The following BIK variants were observed in gnomAD, a reference collection of about 807,000 sequenced individuals.
BIK encodes the protein bcl-2-interacting killer.
In BIK, 14 loss-of-function variants were observed where a neutral mutation model predicts 12.1. The ratio of observed to expected loss-of-function variants is 1.16; its 90% confidence interval spans 0.77 to 1.81. The LOEUF (loss-of-function observed/expected upper bound fraction) is 1.81. Among genes scored for constraint, BIK ranks in the 40% most tolerant of loss-of-function variants. The pLI is 0.00. For synonymous variants in BIK, 86 were observed against 92.3 expected (o/e 0.93, Z 0.39); for missense variants, 215 against 207.9 (o/e 1.03, Z -0.21).
rs753983450 is a variant in BIK at position 43,129,255 on chromosome 22, GCGCTGCTGCTGC to G, written c.441_452del (p.Leu148_Leu151del). On this transcript the variant is annotated inframe_deletion, in exon 5 of 5. Transcript: ENST00000216115. ...GCTGCTGGCGCTGCTGCTGCTGCTG[GCGCTGCTGCTGC>G]CGCTGCTCAGCGGGGGCCTGCACCT... The G allele has an allele frequency of 2.2e-4, 343 of 1,593,354 alleles. No individual in the cohort carries two copies. The highest frequency in any genetic ancestry group is 2.0e-3 in the African/African-American group (148 of 74,260).
intron 2 of BIK, among the ~76,000 whole-genome samples, chr22:43,127,371 C>T (rs1054426613): frequency 3.2e-4 from 48 of 152,122 alleles, no homozygotes; most frequent in Admixed American, 1.6e-3. Flanking sequence ...CTCAGCCATC[C>T]GGGGGCTCAG....
At chr22:43,110,997 G>A (rs544626561) in intron 1 of BIK, among the ~76,000 whole-genome samples, 194 bp downstream of exon 1, 1 of 152,272 alleles carries the variant, frequency 6.6e-6, no homozygotes, top group South Asian at 2.1e-4. Context: ...TCTGTCCGGG[G>A]CTCCAGGTCC....
chr22:43,116,768 C>T (rs574602835), intron 1 of BIK, among the ~76,000 whole-genome samples: 6 of 152,242 alleles, frequency 3.9e-5, no homozygotes, highest in African/African-American at 9.6e-5. Context: ...GGTGAAACCC[C>T]GTCTTTACTA....
chr22:43,115,917 C>T (rs571555304), intron 1 of BIK, among the ~76,000 whole-genome samples: 4 of 151,842 alleles, frequency 2.6e-5, no homozygotes, highest in Admixed American at 1.3e-4. Flanking sequence ...CCACCACGCC[C>T]GGCTAACTTT....
intron 2 of BIK, among the ~76,000 whole-genome samples, chr22:43,126,297 T>C (rs550116908): frequency 6.6e-6 from 1 of 152,148 alleles, no homozygotes; most frequent in Non-Finnish European, 1.5e-5. Flanking sequence ...GCCATTCTCC[T>C]GCCTCAGCCT....
chr22:43,119,333 T>G (rs4988389), intron 1 of BIK, among the ~76,000 whole-genome samples: 24,283 of 152,054 alleles, frequency 0.16, 2,202 homozygotes, highest in African/African-American at 0.24. Flanking sequence ...CAGTTTCCTG[T>G]ATCTGCAGCT....
chr22:43,125,385 A>G (rs551302636), intron 2 of BIK, among the ~76,000 whole-genome samples: 6 of 152,110 alleles, frequency 3.9e-5, no homozygotes, highest in Admixed American at 6.6e-5. Flanking sequence ...CTCTGGTTCA[A>G]CTGCCTCTGA....
At chr22:43,128,358 G>T in intron 3 of BIK, 138 bp from the exon 4 acceptor site, 2 of 1,121,000 alleles carry the variant, frequency 1.8e-6, no homozygotes, top group Non-Finnish European at 2.6e-6. Context: ...GGCGCCCACG[G>T]AAAGGGCCCC....
intron 1 of BIK, among the ~76,000 whole-genome samples, chr22:43,121,903 G>T (rs543043875): frequency 6.6e-6 from 1 of 152,310 alleles, no homozygotes; most frequent in South Asian, 2.1e-4. Context: ...GGCTAATTTT[G>T]TATTTTTATT....
At chr22:43,118,556 G>A (rs913175387) in intron 1 of BIK, among the ~76,000 whole-genome samples, 4 of 152,134 alleles carry the variant, frequency 2.6e-5, no homozygotes, top group African/African-American at 9.7e-5. Context: ...AGTTGTGTGC[G>A]CTCCAAGGGC....
chr22:43,113,484 G>A (rs1389317282), intron 1 of BIK, among the ~76,000 whole-genome samples: 1 of 152,008 alleles, frequency 6.6e-6, no homozygotes, highest in Non-Finnish European at 1.5e-5. Flanking sequence ...CCCAGGAGGC[G>A]GAGATTGCAG....
At position 43,124,100 on chromosome 22, in the gene BIK, CA is replaced by C. The variant is rs748167163; in HGVS notation, c.79del (p.Met27TrpfsTer6). 2 of 1,614,128 alleles carry C rather than the reference CA, an allele frequency of 1.2e-6. No individual in the cohort carries two copies. Among genetic ancestry groups the C allele is most frequent in the South Asian group, 2.2e-5 (2 of 91,076 alleles). On this transcript the variant is annotated frameshift_variant, in exon 2 of 5. Transcript: ENST00000216115. LOFTEE classifies it high-confidence loss of function. The stretch of plus-strand genomic sequence containing the variant: ...ATGAGCAGCTCCTGGAACCCCCGAC[CA>C]TGGAGGTTCTTGGCATGACTGACTC... ...LYEQLLEPPT[M>X]EVLGMTDSEE... is the part of the protein sequence containing the mutation.
intron 1 of BIK, among the ~76,000 whole-genome samples, chr22:43,113,657 G>C (rs1569463794): frequency 6.6e-6 from 1 of 152,176 alleles, no homozygotes; most frequent in African/African-American, 2.4e-5. Context: ...TCAACGGAAG[G>C]ATGTAATTGA....
Position 43,124,009 on chromosome 22 carries a change from G to A in BIK, c.-7-7G>A, listed in dbSNP as rs775113128. ...GGGTCCAGTCATATGCTGTCTTTTT[G>A]CCCCAGAGGAGAAATGTCTGAAGTA... On this transcript the variant is annotated splice_polypyrimidine_tract_variant and splice_region_variant and intron_variant, in intron 1 of 4. Transcript: ENST00000216115. 1 of 1,612,542 alleles carries A rather than the reference G, an allele frequency of 6.2e-7. No homozygotes were observed. Among genetic ancestry groups the A allele is most frequent in the Non-Finnish European group, 8.5e-7 (1 of 1,179,532 alleles).
At chr22:43,124,845 T>C (rs4988421) in intron 2 of BIK, among the ~76,000 whole-genome samples, 660 of 152,240 alleles carry the variant, frequency 4.3e-3, no homozygotes, top group Middle Eastern at 6.8e-3. Flanking sequence ...TGACCCAAGG[T>C]TGCAAAAATG....
intron 3 of BIK, 107 bp downstream of exon 3, chr22:43,127,902 G>T (rs1930351511): frequency 3.9e-6 from 4 of 1,038,270 alleles, no homozygotes; most frequent in Admixed American, 3.1e-5. Flanking sequence ...CTCTGTGGGG[G>T]ATGTGCCTTG....
chr22:43,123,200 G>A (rs185008906), intron 1 of BIK, among the ~76,000 whole-genome samples: 228 of 152,124 alleles, frequency 1.5e-3, no homozygotes, highest in Non-Finnish European at 2.9e-3. Flanking sequence ...AAGAATTAGC[G>A]ATGGTCTCTC....
At chr22:43,118,071 G>T (rs576111043) in intron 1 of BIK, among the ~76,000 whole-genome samples, 1 of 152,228 alleles carries the variant, frequency 6.6e-6, no homozygotes, top group African/African-American at 2.4e-5. Context: ...CTCGTGCGAC[G>T]TGCCCGCCTC....
At chr22:43,122,547 G>A (rs1930240039) in intron 1 of BIK, among the ~76,000 whole-genome samples, 1 of 152,130 alleles carries the variant, frequency 6.6e-6, no homozygotes, top group East Asian at 1.9e-4. Flanking sequence ...CGTCATTATC[G>A]TCATCTACAT....
Sources: gnomAD v4.1 joint callset for allele counts (sites outside exome capture counted in the v4.1 genomes callset) on GRCh38, gnomAD v4.1.1 for gene constraint, MANE v1.5 for transcripts, NCBI Gene and HGNC (gene_info 2026-07-23, HGNC 2026-07-21) for gene names.